The following SH3GL3 variants were observed in gnomAD, a reference collection of about 807,000 sequenced individuals.
The protein encoded by SH3GL3 is endophilin-A3.
Under a neutral mutation model 47.7 loss-of-function variants are expected in SH3GL3, and 33 were observed. The ratio of observed to expected loss-of-function variants is 0.69; its 90% CI spans 0.52 to 0.92. SH3GL3 has a LOEUF of 0.92. Ranked by LOEUF, SH3GL3 falls within the 40% of genes least tolerant of loss-of-function variation. The pLI is 0.00. For missense variants in SH3GL3, 363 were observed against 417.8 expected (o/e 0.87, Z 1.14); for synonymous variants, 155 against 148.8 (o/e 1.04, Z -0.30).
intron 1 of SH3GL3, among the ~76,000 whole-genome samples, chr15:83,513,168 G>A (rs920397243): frequency 8.5e-5 from 13 of 152,196 alleles, no homozygotes; most frequent in Middle Eastern, 3.2e-3. Flanking sequence ...TCACAGCATG[G>A]AGCTGAGAGG....
intron 1 of SH3GL3, among the ~76,000 whole-genome samples, chr15:83,547,313 C>G (rs980359376): frequency 2.6e-5 from 4 of 152,112 alleles, no homozygotes; most frequent in African/African-American, 4.8e-5. Flanking sequence ...GTGGGAAACA[C>G]TAGGAAAGGC....
intron 1 of SH3GL3, among the ~76,000 whole-genome samples, chr15:83,534,291 T>C (rs2043810433): frequency 6.6e-6 from 1 of 152,218 alleles, no homozygotes; most frequent in Admixed American, 6.5e-5. Flanking sequence ...TAAATATCTT[T>C]TCTCTATAAA....
intron 1 of SH3GL3, among the ~76,000 whole-genome samples, chr15:83,517,422 T>C (rs1044243258): frequency 6.6e-5 from 10 of 151,990 alleles, no homozygotes; most frequent in African/African-American, 2.4e-4. Flanking sequence ...GCCAGGCTGG[T>C]CTTGAACTCC....
In SH3GL3 at chr15:83,618,394, T is replaced by TCTTAA. The variant is rs2060884303; in HGVS notation, c.*107_*108insCTTAA. Reference sequence around the variant, plus strand: ...ATCCTTTGCTCTCTGACCAACTTAATGACTTTTGTATGTGTGCTCTCTTTA... The same window carrying TCTTAA: ...ATCCTTTGCTCTCTGACCAACTTAATCTTAAGACTTTTGTATGTGTGCTCTCTTTA... On this transcript the variant is annotated 3_prime_UTR_variant, in exon 9 of 9. Coordinates refer to ENST00000427482, the MANE Select transcript of SH3GL3 (RefSeq NM_003027.5). 1.4e-6 allele frequency: 1 copy of TCTTAA among 712,090 alleles called. No individual in the cohort carries two copies. Among genetic ancestry groups the TCTTAA allele is most frequent in the South Asian group, 1.6e-5 (1 of 61,018 alleles). The allele number at this position is 712,090 out of a possible 1,614,324, so 44.1% of individuals were successfully genotyped here. A position where few individuals can be genotyped will look rare whatever the true frequency, so the allele number is the denominator to read the frequency against.
At position 83,579,113 on chromosome 15, in the gene SH3GL3, A is replaced by C. The variant is rs575329047; in HGVS notation, c.624+2372A>C. ...GTCAAAAGTCAAAAAGGATCCCTTC[A>C]TTATAAAAGCTCAATCATTTGTCCA... On this transcript the variant is annotated intron_variant, in intron 6 of 8. Coordinates refer to ENST00000427482, the MANE Select transcript of SH3GL3 (RefSeq NM_003027.5). Among the ~76,000 whole-genome samples, 84 of 152,288 alleles carry C rather than the reference A, an allele frequency of 5.5e-4. 2 individuals are homozygous for C. In the South Asian group the frequency reaches 0.017, roughly 30 times the overall value.
At chr15:83,479,089 G>A (rs1256482797) in intron 1 of SH3GL3, among the ~76,000 whole-genome samples, 2 of 152,090 alleles carry the variant, frequency 1.3e-5, no homozygotes, top group Non-Finnish European at 2.9e-5. Context: ...TCCGTCGTAC[G>A]GCATGTACTA....
At chr15:83,546,161 T>A (rs1306286486) in intron 1 of SH3GL3, among the ~76,000 whole-genome samples, 1 of 146,220 alleles carries the variant, frequency 6.8e-6, no homozygotes, top group Non-Finnish European at 1.5e-5. Context: ...GAAATGCAGT[T>A]CAGGAGCTAG....
At chr15:83,559,459 G>A in intron 2 of SH3GL3, 138 bp downstream of exon 2, 2 of 604,394 alleles carry the variant, frequency 3.3e-6, no homozygotes, top group Non-Finnish European at 6.0e-6. Flanking sequence ...CTACAAGGCA[G>A]TACTTTCCCA....
chr15:83,541,707 G>A (rs2044175404), intron 1 of SH3GL3, among the ~76,000 whole-genome samples: 2 of 151,990 alleles, frequency 1.3e-5, no homozygotes, highest in South Asian at 4.1e-4. Context: ...CATTTCTCTG[G>A]TCATCAGTGA....
the SH3GL3 span, among the ~76,000 whole-genome samples, chr15:83,623,845 G>T: frequency 6.6e-6 from 1 of 152,080 alleles, no homozygotes; most frequent in Non-Finnish European, 1.5e-5. Context: ...GAGTGCAATG[G>T]CACAGTCTTG....
chr15:83,487,550 T>A (rs1054199465), intron 1 of SH3GL3, among the ~76,000 whole-genome samples: 3 of 152,186 alleles, frequency 2.0e-5, no homozygotes, highest in Admixed American at 6.5e-5. Flanking sequence ...ATGTTTTTGC[T>A]CTTTTTTTTG....
At chr15:83,553,568 A>G (rs772642029) in intron 1 of SH3GL3, among the ~76,000 whole-genome samples, 19 of 152,078 alleles carry the variant, frequency 1.2e-4, no homozygotes, top group South Asian at 2.1e-4. Context: ...GCTGGTATGG[A>G]TACTATGTTA....
intron 6 of SH3GL3, among the ~76,000 whole-genome samples, chr15:83,578,602 T>A (rs2059747606): frequency 6.6e-6 from 1 of 152,132 alleles, no homozygotes; most frequent in Non-Finnish European, 1.5e-5. Flanking sequence ...AAATTTCCCA[T>A]GCCCATTAAA....
At chr15:83,516,945 CTGTAGTTCATTTT>C (rs2043002991) in intron 1 of SH3GL3, among the ~76,000 whole-genome samples, 2 of 151,982 alleles carry the variant, frequency 1.3e-5, no homozygotes, top group Admixed American at 6.6e-5. Flanking sequence ...TTCTGTATGA[CTGTAGTTCATTTT>C]TATGGCAGTA....
rs558553596 is a variant in SH3GL3, at chr15:83,586,357, C to T, written c.625-626C>T. ...AGTTAGTCATTAATTTCATGAATGTCTTGATTTGTGGGAAACAGAGATGCC... is the reference window on the plus strand; with the variant it reads ...AGTTAGTCATTAATTTCATGAATGTTTTGATTTGTGGGAAACAGAGATGCC... On this transcript the variant is annotated intron_variant, in intron 6 of 8. Transcript: ENST00000427482. 1.1e-4 allele frequency among the ~76,000 whole-genome samples: 17 copies of T among 152,240 alleles called. No homozygotes were observed. In the East Asian group the frequency reaches 3.3e-3, roughly 29 times the overall value.
At chr15:83,530,631 A>G (rs1244169630) in intron 1 of SH3GL3, among the ~76,000 whole-genome samples, 2 of 151,350 alleles carry the variant, frequency 1.3e-5, no homozygotes, top group Non-Finnish European at 2.9e-5. Flanking sequence ...TTTTTTTAAT[A>G]AGAGGATTTT....
chr15:83,602,678 C>T (rs1197934420), intron 8 of SH3GL3, among the ~76,000 whole-genome samples: 2 of 152,178 alleles, frequency 1.3e-5, no homozygotes, highest in Non-Finnish European at 1.5e-5. Flanking sequence ...AAATACACTG[C>T]ATGTACCAGT....
chr15:83,515,342 T>G (rs1294841375), intron 1 of SH3GL3, among the ~76,000 whole-genome samples: 3 of 152,234 alleles, frequency 2.0e-5, no homozygotes, highest in African/African-American at 7.2e-5. Context: ...TGTCTTATTT[T>G]GTTCTCCAGC....
intron 1 of SH3GL3, among the ~76,000 whole-genome samples, chr15:83,520,073 C>T (rs1027750378): frequency 6.6e-6 from 1 of 152,112 alleles, no homozygotes; most frequent in African/African-American, 2.4e-5. Context: ...TTCCCAGAGC[C>T]CAAATTCCTA....
Sources: allele counts gnomAD v4.1 joint callset (sites outside exome capture counted in the v4.1 genomes callset), GRCh38; gene constraint gnomAD v4.1.1; transcripts MANE v1.5; gene names NCBI Gene and HGNC (gene_info 2026-07-23, HGNC 2026-07-21).